The following PAK1 variants were observed in gnomAD, a reference collection of about 807,000 sequenced individuals.
The protein encoded by PAK1 is serine/threonine-protein kinase PAK 1.
A neutral mutation model predicts 67.4 loss-of-function variants in PAK1; 29 were observed. The observed-to-expected ratio is 0.43, with a 90% CI of 0.32 to 0.59. PAK1 has a LOEUF of 0.59. PAK1 is among the 20% of genes least tolerant of loss of function. The pLI, the probability that PAK1 is intolerant of heterozygous loss-of-function variation, is 0.07. For missense variants in PAK1, 337 were observed against 670.7 expected (o/e 0.50, Z 5.50); for synonymous variants, 223 against 237.4 (o/e 0.94, Z 0.56).
At chr11:77,481,091 A>C in the PAK1 span, among the ~76,000 whole-genome samples, 1 of 152,142 alleles carries the variant, frequency 6.6e-6, no homozygotes, top group Non-Finnish European at 1.5e-5. Context: ...AAAAGAATGC[A>C]TATTCTCTAT....
the PAK1 span, among the ~76,000 whole-genome samples, chr11:77,496,389 C>T: frequency 0.047 from 7,111 of 152,072 alleles, 227 homozygotes; most frequent in Middle Eastern, 0.078. Flanking sequence ...CTTTGGGAGG[C>T]GAGGTAAGCA....
At chr11:77,383,155 G>C (rs1439583021) in intron 2 of PAK1, among the ~76,000 whole-genome samples, 1 of 152,056 alleles carries the variant, frequency 6.6e-6, no homozygotes, top group Non-Finnish European at 1.5e-5. Context: ...TTATACCCCT[G>C]ATCCCTACTG....
chr11:77,409,690 G>A (rs1954212119), intron 1 of PAK1, among the ~76,000 whole-genome samples: 1 of 151,950 alleles, frequency 6.6e-6, no homozygotes, highest in Non-Finnish European at 1.5e-5. Context: ...GCCAGGTACA[G>A]GAAGACAAAT....
the PAK1 span, among the ~76,000 whole-genome samples, chr11:77,491,272 G>T: frequency 1.3e-5 from 2 of 149,262 alleles, no homozygotes; most frequent in Non-Finnish European, 3.0e-5. Flanking sequence ...CATGTAGAAA[G>T]ACTAAAAGAT....
chr11:77,417,386 T>C (rs1458593542), intron 1 of PAK1, among the ~76,000 whole-genome samples: 1 of 152,210 alleles, frequency 6.6e-6, no homozygotes, highest in Non-Finnish European at 1.5e-5. Context: ...CTGAAAAGGC[T>C]GATTCCAACT....
chr11:77,325,394 G>A, intron 14 of PAK1: 2 of 1,612,260 alleles, frequency 1.2e-6, no homozygotes, highest in Non-Finnish European at 1.7e-6. Flanking sequence ...AATGAGAATA[G>A]AACCTATGAC....
chr11:77,406,673 G>A (rs555077369), intron 1 of PAK1, among the ~76,000 whole-genome samples: 1 of 152,340 alleles, frequency 6.6e-6, no homozygotes, highest in South Asian at 2.1e-4. Flanking sequence ...AGCTACTCAA[G>A]AGGCTGAGGT....
intron 1 of PAK1, among the ~76,000 whole-genome samples, chr11:77,406,148 T>C (rs1365349245): frequency 2.0e-5 from 3 of 152,138 alleles, no homozygotes; most frequent in Non-Finnish European, 2.9e-5. Context: ...ACACTACACT[T>C]TTCCCAAGAT....
intron 1 of PAK1, among the ~76,000 whole-genome samples, chr11:77,456,181 A>T (rs555989932): frequency 9.3e-4 from 141 of 152,004 alleles, no homozygotes; most frequent in Non-Finnish European, 1.4e-3. Context: ...ACTGTATTTT[A>T]AAAAAAATAC....
intron 3 of PAK1, 89 bp downstream of exon 3, chr11:77,379,805 A>G: frequency 1.1e-6 from 1 of 880,646 alleles, no homozygotes; most frequent in Non-Finnish European, 1.8e-6. Context: ...CAAAGATAGA[A>G]GCATCAGGAA....
intron 1 of PAK1, among the ~76,000 whole-genome samples, chr11:77,471,631 G>A (rs1334420316): frequency 6.6e-6 from 1 of 152,214 alleles, no homozygotes; most frequent in Admixed American, 6.5e-5. Flanking sequence ...CACAGAAAGT[G>A]AGACTGCAAA....
chr11:77,392,588 C>T (rs1188741970), intron 1 of PAK1, 47 bp from the exon 2 acceptor site: 2 of 1,433,880 alleles, frequency 1.4e-6, no homozygotes, highest in Admixed American at 4.6e-5. Flanking sequence ...TATTTTTGAC[C>T]AAAAGGAAAT....
the PAK1 span, among the ~76,000 whole-genome samples, chr11:77,499,531 C>T: frequency 6.6e-6 from 1 of 152,116 alleles, no homozygotes; most frequent in African/African-American, 2.4e-5. Context: ...TGTATAGTTC[C>T]TACTCATCCT....
chr11:77,516,532 A>C, the PAK1 span, among the ~76,000 whole-genome samples: 2 of 152,308 alleles, frequency 1.3e-5, no homozygotes, highest in South Asian at 2.1e-4. Context: ...GGTATTATAT[A>C]ATTACTGTAT....
chr11:77,458,852 T>C (rs1457470579), intron 1 of PAK1, among the ~76,000 whole-genome samples: 1 of 152,206 alleles, frequency 6.6e-6, no homozygotes, highest in African/African-American at 2.4e-5. Flanking sequence ...TCAACAAATA[T>C]GTATTAAGAG....
At chr11:77,337,275 A>C in intron 12 of PAK1, 49 bp downstream of exon 12, 22 of 886,650 alleles carry the variant, frequency 2.5e-5, no homozygotes, top group Non-Finnish European at 3.1e-5. Flanking sequence ...CACAGGAGAC[A>C]GGGCCCCACA....
chr11:77,493,517 T>A, the PAK1 span, among the ~76,000 whole-genome samples: 1 of 132,316 alleles, frequency 7.6e-6, no homozygotes, highest in African/African-American at 2.8e-5. Flanking sequence ...GGTCTTGAAC[T>A]CCAGACCTCA....
At chr11:77,386,927 C>G (rs1950516796) in intron 2 of PAK1, among the ~76,000 whole-genome samples, 1 of 152,134 alleles carries the variant, frequency 6.6e-6, no homozygotes, top group South Asian at 2.1e-4. Flanking sequence ...GTGCCCACTA[C>G]CACGTCCAGC....
chr11:77,327,707 T>C (rs1206166792), intron 14 of PAK1, among the ~76,000 whole-genome samples: 1 of 152,176 alleles, frequency 6.6e-6, no homozygotes, highest in Non-Finnish European at 1.5e-5. Context: ...CCATCAAGGC[T>C]AGGAAGAAAC....
Sources: allele counts gnomAD v4.1 joint callset (sites outside exome capture counted in the v4.1 genomes callset), GRCh38; gene constraint gnomAD v4.1.1; transcripts MANE v1.5; gene names NCBI Gene and HGNC (gene_info 2026-07-23, HGNC 2026-07-21).